PDZD8: variants seen among roughly 807,000 people sequenced by gnomAD.
The protein encoded by PDZD8 is PDZ domain containing 8.
In PDZD8, 14 loss-of-function variants were observed where a neutral mutation model predicts 85.8. The ratio of observed to expected loss-of-function variants is 0.16; its 90% CI spans 0.11 to 0.26. PDZD8 has a LOEUF of 0.26. PDZD8 is among the 10% of genes least tolerant of loss of function. The probability of loss-of-function intolerance (pLI) is 1.00; values close to 1 mark genes in which losing one functional copy is unlikely to be tolerated. For missense variants in PDZD8, 1,197 were observed against 1,424.3 expected, an observed-to-expected ratio of 0.84 and a Z score of 2.57; for synonymous variants, 592 against 568.6, an observed-to-expected ratio of 1.04 and a Z score of -0.59.
At chr10:117,369,801 A>G (rs959423757) in intron 1 of PDZD8, among the ~76,000 whole-genome samples, 18 of 152,162 alleles carry the variant, frequency 1.2e-4, no homozygotes, top group African/African-American at 3.9e-4. Context: ...GCGCTACAAG[A>G]TATTCCAATT....
At chr10:117,331,641 A>G (rs1170991430) in intron 2 of PDZD8, among the ~76,000 whole-genome samples, 1 of 152,244 alleles carries the variant, frequency 6.6e-6, no homozygotes, top group Non-Finnish European at 1.5e-5. Flanking sequence ...AGTGTATAGC[A>G]TACCAATACA....
intron 2 of PDZD8, among the ~76,000 whole-genome samples, chr10:117,336,704 G>T (rs1317872604): frequency 6.6e-6 from 1 of 151,860 alleles, no homozygotes; most frequent in East Asian, 1.9e-4. Flanking sequence ...GGTTCCTACT[G>T]GCCAAATCTG....
chr10:117,293,406 G>A (rs1321988967), intron 3 of PDZD8, among the ~76,000 whole-genome samples: 1 of 151,988 alleles, frequency 6.6e-6, no homozygotes, highest in Non-Finnish European at 1.5e-5. Context: ...CCTGTACATG[G>A]TGAAGCATGC....
rs1844732181 is a variant in PDZD8, at chr10:117,290,166, A to C, written c.1261+20T>G. On this transcript the variant is annotated intron_variant, in intron 4 of 4. Transcript: ENST00000334464. Reference sequence around the variant, plus strand: ...AGTTTATCTGTAAAGGTAAAGTATAATGCATATTAGCATAATTACCTCCAA... The same window carrying C: ...AGTTTATCTGTAAAGGTAAAGTATACTGCATATTAGCATAATTACCTCCAA... The C allele has an allele frequency of 1.9e-6, 3 of 1,605,554 alleles. No homozygotes were observed. Among genetic ancestry groups the C allele is most frequent in the East Asian group, 4.5e-5 (2 of 44,792 alleles).
rs1014244528 is a variant in PDZD8 at position 117,281,489 on chromosome 10, A to G, written c.*1779T>C. 15 of 152,174 alleles carry G rather than the reference A, an allele frequency of 9.9e-5. No homozygotes were observed. Among genetic ancestry groups the G allele is most frequent in the Admixed American group, 9.8e-4 (15 of 15,282 alleles). The allele number at this position is 152,174 out of a possible 1,614,324, so 9.4% of individuals were successfully genotyped here. On this transcript the variant is annotated 3_prime_UTR_variant, in exon 5 of 5. Coordinates refer to ENST00000334464, the MANE Select transcript of PDZD8 (RefSeq NM_173791.5). Reference sequence around the variant, plus strand: ...AGTACCTGAAATTTTCGCTTACTAAAGTAACAAAAGGCATGAGACTTGGCT... The same window carrying G: ...AGTACCTGAAATTTTCGCTTACTAAGGTAACAAAAGGCATGAGACTTGGCT...
chr10:117,294,331 A>AC (rs1407687154), intron 3 of PDZD8, among the ~76,000 whole-genome samples: 1 of 129,518 alleles, frequency 7.7e-6, no homozygotes, highest in African/African-American at 2.7e-5. Flanking sequence ...AAAAGACAAA[A>AC]AAAAAAAAAA....
chr10:117,356,342 A>G (rs1199246391), intron 1 of PDZD8, among the ~76,000 whole-genome samples: 6 of 152,230 alleles, frequency 3.9e-5, no homozygotes, highest in Non-Finnish European at 8.8e-5. Context: ...GTAAAACTCA[A>G]TTTGAAGGTT....
chr10:117,318,832 G>T (rs372499121), intron 3 of PDZD8, 40 bp downstream of exon 3: 36 of 1,386,516 alleles, frequency 2.6e-5, no homozygotes, highest in Non-Finnish European at 3.6e-5. Flanking sequence ...TTATAAAATA[G>T]AACTTTATAT....
At chr10:117,309,136 G>A (rs540158003) in intron 3 of PDZD8, among the ~76,000 whole-genome samples, 10 of 152,200 alleles carry the variant, frequency 6.6e-5, no homozygotes, top group Non-Finnish European at 1.5e-4. Context: ...TATGGACTGT[G>A]TGAATCAGTT....
intron 1 of PDZD8, among the ~76,000 whole-genome samples, chr10:117,355,434 C>T (rs1844877463): frequency 6.6e-6 from 1 of 152,152 alleles, no homozygotes; most frequent in Non-Finnish European, 1.5e-5. Context: ...AAGATCCCCT[C>T]CTCCCAACTA....
intron 3 of PDZD8, among the ~76,000 whole-genome samples, chr10:117,302,383 AAAGT>A (rs1344648090): frequency 6.6e-6 from 1 of 152,232 alleles, no homozygotes; most frequent in Non-Finnish European, 1.5e-5. Flanking sequence ...CATCTTTTTC[AAAGT>A]AAGTATAACT....
chr10:117,353,361 C>T (rs947928626), intron 1 of PDZD8, among the ~76,000 whole-genome samples: 2 of 152,044 alleles, frequency 1.3e-5, no homozygotes, highest in African/African-American at 4.8e-5. Flanking sequence ...CAAACTTTCT[C>T]GAATTATTCC....
Position 117,283,522 on chromosome 10 carries a change from A to AT in PDZD8, c.3210dup (p.Ser1071IlefsTer9). 6.2e-7 allele frequency: 1 copy of AT among 1,614,136 alleles called. No individual in the cohort carries two copies. Among genetic ancestry groups the AT allele is most frequent in the South Asian group, 1.1e-5 (1 of 91,082 alleles). ...TTAGCTAAGGCAGCAGAAAGAAGTG[A>AT]TTTTTTCCTTGTATCAGTTGTCTCT... On this transcript the variant is annotated frameshift_variant, in exon 5 of 5. Transcript: ENST00000334464. LOFTEE classifies it high-confidence loss of function.
At chr10:117,335,948 A>G (rs913278391) in intron 2 of PDZD8, among the ~76,000 whole-genome samples, 35 of 152,242 alleles carry the variant, frequency 2.3e-4, no homozygotes, top group African/African-American at 8.2e-4. Context: ...GAACAATTCC[A>G]TAAGGATGAA....
At chr10:117,333,052 T>C (rs1164824514) in intron 2 of PDZD8, among the ~76,000 whole-genome samples, 3 of 135,226 alleles carry the variant, frequency 2.2e-5, no homozygotes, top group Admixed American at 8.9e-5. Flanking sequence ...TTGGTAGGCA[T>C]AGGTTGTGGT....
intron 1 of PDZD8, among the ~76,000 whole-genome samples, chr10:117,369,544 C>T (rs952368333): frequency 1.3e-5 from 2 of 152,080 alleles, no homozygotes; most frequent in Non-Finnish European, 1.5e-5. Context: ...ATCACTCTCC[C>T]TCTCCACTCC....
rs778473773 is a variant in PDZD8, at chr10:117,318,941, T to C, written c.1029A>G (p.Ala343=). Residue 343 remains alanine, a synonymous_variant, in exon 3 of 5, where the codon GCA becomes GCG. Transcript: ENST00000334464. ...LLIFGSYDRE[A]NVHCTLELSS... ...TTAACTCAAGTGTGCAATGAACATTTGCCTCTCTGTCATAGGATCCAAAAA... is the reference window on the plus strand; with the variant it reads ...TTAACTCAAGTGTGCAATGAACATTCGCCTCTCTGTCATAGGATCCAAAAA... The C allele has an allele frequency of 1.9e-6, 3 of 1,612,186 alleles. No homozygotes were observed. Among genetic ancestry groups the C allele is most frequent in the East Asian group, 4.5e-5 (2 of 44,726 alleles).
intron 1 of PDZD8, among the ~76,000 whole-genome samples, chr10:117,362,526 A>G (rs1845016097): frequency 6.6e-6 from 1 of 152,246 alleles, no homozygotes; most frequent in East Asian, 1.9e-4. Flanking sequence ...AAGAGAAATC[A>G]TAAGAGCACA....
At chr10:117,357,084 A>G (rs1844908358) in intron 1 of PDZD8, among the ~76,000 whole-genome samples, 1 of 152,238 alleles carries the variant, frequency 6.6e-6, no homozygotes, top group Non-Finnish European at 1.5e-5. Context: ...GATAATGCTT[A>G]TGTTAAACTG....
Sources: allele counts gnomAD v4.1 joint callset (sites outside exome capture counted in the v4.1 genomes callset), GRCh38; gene constraint gnomAD v4.1.1; transcripts MANE v1.5; gene names NCBI Gene and HGNC (gene_info 2026-07-23, HGNC 2026-07-21).